ADAMTS17: variants seen among roughly 807,000 people sequenced by gnomAD.
The protein encoded by ADAMTS17 is ADAM metallopeptidase with thrombospondin type 1 motif 17.
ADAMTS17 carries 113 observed loss-of-function variants against 141.5 expected under a neutral mutation model. The ratio of observed to expected loss-of-function variants is 0.80; its 90% CI spans 0.69 to 0.93. ADAMTS17 has a LOEUF of 0.93. Among genes scored for constraint, ADAMTS17 ranks in the 40% least tolerant of loss-of-function variants. The pLI, the probability that ADAMTS17 is intolerant of heterozygous loss-of-function variation, is 0.00. For synonymous variants in ADAMTS17, 768 were observed against 630.6 expected (o/e 1.22, Z -3.27); for missense variants, 1,659 against 1,517.9 (o/e 1.09, Z -1.54).
chr15:100,043,062 A>G (rs1253024549), intron 18 of ADAMTS17, among the ~76,000 whole-genome samples: 1 of 152,224 alleles, frequency 6.6e-6, no homozygotes, highest in Non-Finnish European at 1.5e-5. Context: ...TTATCAGATC[A>G]TACATTTCTT....
At chr15:100,003,745 C>G (rs114927090) in intron 18 of ADAMTS17, among the ~76,000 whole-genome samples, 1,997 of 152,062 alleles carry the variant, frequency 0.013, 62 homozygotes, top group African/African-American at 0.045. Context: ...GAGCTTCATG[C>G]CAAGAGAAAG....
At chr15:100,054,166 G>A in intron 15 of ADAMTS17, 112 bp from the exon 16 acceptor site, 1 of 1,217,440 alleles carries the variant, frequency 8.2e-7, no homozygotes, top group Non-Finnish European at 1.2e-6. Context: ...CCCTTCCACA[G>A]GGGGAAGGAG....
rs1265173465 is a variant in ADAMTS17 at position 100,152,955 on chromosome 15, AAT to A, written c.1323-195_1323-194del. ...GCATTCCTCTTTTTCTACATGGCCA[AAT>A]GTGAATCTTCGCTCTGAAGGTAGTA... is the stretch of plus-strand genomic sequence containing the variant. On this transcript the variant is annotated intron_variant, in intron 9 of 21. Coordinates refer to ENST00000268070, the MANE Select transcript of ADAMTS17 (RefSeq NM_139057.4). 0.65 allele frequency among the ~76,000 whole-genome samples: 99,044 copies of A among 151,246 alleles called. 33,835 individuals are homozygous for A. Among genetic ancestry groups the A allele is most frequent in the East Asian group, 0.84 (4,331 of 5,146 alleles).
At chr15:100,314,758 G>C (rs2045509256) in intron 3 of ADAMTS17, among the ~76,000 whole-genome samples, 1 of 152,208 alleles carries the variant, frequency 6.6e-6, no homozygotes, top group African/African-American at 2.4e-5. Flanking sequence ...CCAAGTTATT[G>C]GGAATGGACA....
chr15:100,186,069 A>G (rs1164393854), intron 8 of ADAMTS17, among the ~76,000 whole-genome samples: 1 of 152,112 alleles, frequency 6.6e-6, no homozygotes, highest in African/African-American at 2.4e-5. Flanking sequence ...TAGAGTTGGG[A>G]AGGCCTGTGA....
chr15:100,152,655 T>C lies in ADAMTS17; in HGVS notation c.1430A>G (p.Gln477Arg), dbSNP rs374308012. ...GMHYSANEQC[Q>R]ILFGMNATFC... The stretch of plus-strand genomic sequence containing the variant: ...GGTGGCATTCATGCCAAACAGGATC[T>C]GGCACTGCTCGTTGGCACTGTAGTG... Residue 477 changes from glutamine to arginine, a missense_variant, in exon 10 of 22, where the codon CAG becomes CGG. Transcript: ENST00000268070. 2 of 1,614,062 alleles carry C rather than the reference T, an allele frequency of 1.2e-6. No homozygotes were observed. The highest frequency in any genetic ancestry group is 1.7e-6 in the Non-Finnish European group (2 of 1,180,034).
At chr15:100,197,880 T>C (rs2041179751) in intron 8 of ADAMTS17, among the ~76,000 whole-genome samples, 1 of 152,192 alleles carries the variant, frequency 6.6e-6, no homozygotes, top group Admixed American at 6.5e-5. Flanking sequence ...TGCAGGGACA[T>C]GGATGAAGCT....
chr15:100,126,715 G>C (rs1457612620), intron 12 of ADAMTS17, among the ~76,000 whole-genome samples: 2 of 152,250 alleles, frequency 1.3e-5, no homozygotes, highest in Non-Finnish European at 2.9e-5. Context: ...ATTGCAGAGA[G>C]ATTGGTTTTC....
chr15:100,197,128 G>A (rs986680998), intron 8 of ADAMTS17, among the ~76,000 whole-genome samples: 6 of 152,168 alleles, frequency 3.9e-5, no homozygotes, highest in African/African-American at 9.7e-5. Context: ...CGGCACACTC[G>A]AACAGGTCAT....
chr15:100,253,067 T>C (rs993278718), intron 7 of ADAMTS17, among the ~76,000 whole-genome samples: 4 of 151,982 alleles, frequency 2.6e-5, no homozygotes, highest in African/African-American at 9.7e-5. Flanking sequence ...CATAACAGTA[T>C]ATATTTTTCA....
intron 3 of ADAMTS17, among the ~76,000 whole-genome samples, chr15:100,316,967 A>G (rs1173061466): frequency 6.6e-6 from 1 of 152,204 alleles, no homozygotes; most frequent in African/African-American, 2.4e-5. Flanking sequence ...AGTATCTGAC[A>G]GGCTCCACAC....
At chr15:100,268,674 G>A (rs1270668267) in intron 4 of ADAMTS17, among the ~76,000 whole-genome samples, 1 of 152,052 alleles carries the variant, frequency 6.6e-6, no homozygotes, top group African/African-American at 2.4e-5. Context: ...TATAGATTCT[G>A]GATGTTAGAC....
At chr15:99,975,270 C>T (rs1383038358) in intron 21 of ADAMTS17, among the ~76,000 whole-genome samples, 1 of 152,196 alleles carries the variant, frequency 6.6e-6, no homozygotes, top group African/African-American at 2.4e-5. Context: ...AGTGCAGTGG[C>T]ACGATCTCGG....
At chr15:99,977,390 A>T (rs1567632448) in intron 20 of ADAMTS17, among the ~76,000 whole-genome samples, 193 of 8,494 alleles carry the variant, frequency 0.023, 42 homozygotes, top group African/African-American at 0.066. Flanking sequence ...ATATATATAT[A>T]TATATATATA....
chr15:100,185,550 G>A (rs1167262007), intron 8 of ADAMTS17, among the ~76,000 whole-genome samples: 1 of 152,196 alleles, frequency 6.6e-6, no homozygotes, highest in African/African-American at 2.4e-5. Context: ...GCATCTTTGT[G>A]CAAACTCGCC....
In ADAMTS17 at chr15:99,993,013, C is replaced by T. The variant is rs7175995; in HGVS notation, c.2949+35G>A. 939,101 of 1,612,634 alleles carry T rather than the reference C, an allele frequency of 0.58. 281,039 individuals are homozygous for T. The highest frequency in any genetic ancestry group is 0.63 in the Non-Finnish European group (739,741 of 1,179,352). ...CCCGACCCTCGAGCCCCCTGCACTG[C>T]GGCACGGAGAGAAATGCCAGCAGGC... On this transcript the variant is annotated intron_variant, in intron 20 of 21. Transcript: ENST00000268070. The surrounding 1 kb of genome is among the most constrained non-coding windows in gnomAD (Gnocchi z 4.3).
At chr15:100,157,841 A>T (rs2141386319) in intron 8 of ADAMTS17, among the ~76,000 whole-genome samples, 1 of 152,156 alleles carries the variant, frequency 6.6e-6, no homozygotes, top group African/African-American at 2.4e-5. Context: ...GGAAGACTGA[A>T]GAAATTATCA....
At chr15:100,105,878 T>C (rs2036386194) in intron 14 of ADAMTS17, among the ~76,000 whole-genome samples, 1 of 152,120 alleles carries the variant, frequency 6.6e-6, no homozygotes, top group Non-Finnish European at 1.5e-5. Context: ...TTAGTACAGA[T>C]GGAGTTTCAC....
rs576137741 is a variant in ADAMTS17, at chr15:100,156,421, TAA to T, written c.1182-1103_1182-1102del. ...AACTCCCACGTGGAGTTGGATCAGC[TAA>T]AGTCACCCATGTCCTTTGGAGGATC... is the stretch of plus-strand genomic sequence containing the variant. On this transcript the variant is annotated intron_variant, in intron 8 of 21. Coordinates refer to ENST00000268070, the MANE Select transcript of ADAMTS17 (RefSeq NM_139057.4). Among the ~76,000 whole-genome samples, 148 of 152,306 alleles carry T rather than the reference TAA, an allele frequency of 9.7e-4. 1 individual carries two copies. The highest frequency in any genetic ancestry group is 5.6e-3 in the South Asian group (27 of 4,824).
Sources: gnomAD v4.1 joint callset for allele counts (sites outside exome capture counted in the v4.1 genomes callset) on GRCh38, gnomAD v4.1.1 for gene constraint, Gnocchi (gnomAD v3.1) non-coding constraint, MANE v1.5 for transcripts, NCBI Gene and HGNC (gene_info 2026-07-23, HGNC 2026-07-21) for gene names.